Variants in CCDC171 observed in about 807,000 individuals in gnomAD.
The protein encoded by CCDC171 is coiled-coil domain containing 171.
Under a neutral mutation model 168.2 loss-of-function variants are expected in CCDC171, and 177 were observed. The observed-to-expected ratio is 1.05, with a 90% CI of 0.93 to 1.19. CCDC171 has a LOEUF of 1.19. Among genes scored for constraint, CCDC171 ranks in the 50% most tolerant of loss-of-function variants. The probability of loss-of-function intolerance (pLI) is 0.00; values close to 1 mark genes in which losing one functional copy is unlikely to be tolerated. For synonymous variants in CCDC171, 687 were observed against 540.8 expected (o/e 1.27, Z -3.75); for missense variants, 1,991 against 1,539.0 (o/e 1.29, Z -4.91).
intron 25 of CCDC171, among the ~76,000 whole-genome samples, chr9:15,932,491 C>G (rs1589162889): frequency 1.3e-5 from 2 of 151,772 alleles, no homozygotes; most frequent in East Asian, 3.9e-4. Context: ...TCATTTATTA[C>G]TTGTAAAAGT....
At chr9:15,726,572 T>C (rs1210208913) in intron 14 of CCDC171, among the ~76,000 whole-genome samples, 1 of 152,186 alleles carries the variant, frequency 6.6e-6, no homozygotes, top group African/African-American at 2.4e-5. Flanking sequence ...AAATCTGATT[T>C]CTTAAATTTG....
chr9:15,586,862 C>A (rs994615192), intron 4 of CCDC171, among the ~76,000 whole-genome samples: 1 of 152,088 alleles, frequency 6.6e-6, no homozygotes, highest in African/African-American at 2.4e-5. Flanking sequence ...GGCTGGAGGG[C>A]AGTGGTGTGG....
intron 12 of CCDC171, among the ~76,000 whole-genome samples, chr9:15,723,266 C>T (rs2053601794): frequency 6.6e-6 from 1 of 152,120 alleles, no homozygotes; most frequent in African/African-American, 2.4e-5. Context: ...CAGTGAATAT[C>T]CTCATGATGT....
At chr9:16,056,884 T>G (rs1833850746) in intron 1 of CCDC171, among the ~76,000 whole-genome samples, 1 of 152,228 alleles carries the variant, frequency 6.6e-6, no homozygotes, top group South Asian at 2.1e-4. Context: ...TAAAATGTGC[T>G]CAGTATATTA....
chr9:15,562,860 G>C (rs1234779097), intron 1 of CCDC171, among the ~76,000 whole-genome samples: 3 of 150,960 alleles, frequency 2.0e-5, no homozygotes, highest in Non-Finnish European at 4.4e-5. Context: ...CAGGAGCGTG[G>C]TGATAATGTG....
intron 18 of CCDC171, among the ~76,000 whole-genome samples, chr9:15,767,822 T>TCCCTCCCTCCCTCCCTCCCTCC (rs1261906642): frequency 1.3e-3 from 1 of 758 alleles, no homozygotes; most frequent in African/African-American, 5.2e-3. Flanking sequence ...TCTTTTCTTT[T>TCCCTCCCTCCCTCCCTCCCTCC]CTTTCCCTCC....
chr9:16,014,793 G>A (rs926262770), intron 3 of CCDC171, among the ~76,000 whole-genome samples: 1 of 152,100 alleles, frequency 6.6e-6, no homozygotes, highest in African/African-American at 2.4e-5. Context: ...ATCAACAATA[G>A]GCTTAAATAT....
At chr9:15,562,904 T>TGG (rs2039425610) in intron 1 of CCDC171, among the ~76,000 whole-genome samples, 1 of 151,548 alleles carries the variant, frequency 6.6e-6, no homozygotes, top group Admixed American at 6.6e-5. Flanking sequence ...AAGAGCTTGA[T>TGG]AGACTCCTTG....
intron 3 of CCDC171, among the ~76,000 whole-genome samples, chr9:16,009,466 A>T (rs982233060): frequency 2.6e-5 from 4 of 152,216 alleles, no homozygotes; most frequent in Non-Finnish European, 5.9e-5. Context: ...TTTTCTAATA[A>T]AAAAGGAGAG....
At chr9:15,794,655 A>T (rs190951111) in intron 21 of CCDC171, among the ~76,000 whole-genome samples, 1 of 152,302 alleles carries the variant, frequency 6.6e-6, no homozygotes, top group East Asian at 1.9e-4. Flanking sequence ...TGGTTTTTAG[A>T]TTTTTAAGGG....
chr9:15,723,535 A>G, intron 12 of CCDC171, 146 bp from the exon 13 acceptor site: 2 of 595,054 alleles, frequency 3.4e-6, no homozygotes, highest in Non-Finnish European at 5.9e-6. Context: ...TTTTTTAAAG[A>G]CTCTTAATTA....
At chr9:15,959,637 G>A (rs1830150748) in intron 25 of CCDC171, among the ~76,000 whole-genome samples, 1 of 152,088 alleles carries the variant, frequency 6.6e-6, no homozygotes, top group South Asian at 2.1e-4. Flanking sequence ...AACAAGTCTA[G>A]GCCTTTTTGA....
intron 6 of CCDC171, among the ~76,000 whole-genome samples, chr9:16,029,584 A>G (rs1178167302): frequency 6.6e-6 from 1 of 152,064 alleles, no homozygotes; most frequent in African/African-American, 2.4e-5. Context: ...ATGTTGGTAG[A>G]CTCTTAAAGC....
Position 15,666,234 on chromosome 9 carries a change from G to C in CCDC171, c.987G>C (p.Leu329Phe). ...GTCAAGCAGAAGCTGTTGCTGATTT[G>C]GAAATTATCAAGAATGAATTCAAAG... ...KASQAEAVADLEIIKNEFKEV... is the reference protein window; with the variant it reads ...KASQAEAVADFEIIKNEFKEV... Residue 329 changes from leucine to phenylalanine, a missense_variant, in exon 9 of 26, where the codon TTG (leucine) becomes TTC (phenylalanine). By Grantham distance (22) the Leu-to-Phe change is conservative. Coordinates refer to ENST00000380701, the MANE Select transcript of CCDC171 (RefSeq NM_173550.4). The C allele has an allele frequency of 6.2e-7, 1 of 1,613,730 alleles. No homozygotes were observed. Among genetic ancestry groups the C allele is most frequent in the Non-Finnish European group, 8.5e-7 (1 of 1,179,820 alleles).
At chr9:15,962,775 TTC>T (rs1446884641) in intron 25 of CCDC171, among the ~76,000 whole-genome samples, 1 of 151,984 alleles carries the variant, frequency 6.6e-6, no homozygotes, top group Non-Finnish European at 1.5e-5. Flanking sequence ...TCTAATTCAG[TTC>T]TTTTTTCCAA....
chr9:15,857,126 C>A (rs1052687789), intron 23 of CCDC171, among the ~76,000 whole-genome samples: 6 of 151,874 alleles, frequency 4.0e-5, no homozygotes, highest in Non-Finnish European at 7.4e-5. Flanking sequence ...GAAATTAAAA[C>A]CCTCATGTGG....
intron 10 of CCDC171, among the ~76,000 whole-genome samples, chr9:15,685,667 A>G (rs2050344124): frequency 6.6e-6 from 1 of 152,088 alleles, no homozygotes; most frequent in Admixed American, 6.6e-5. Context: ...ACAATCCAGC[A>G]TTTAAAAAAC....
At chr9:15,554,015 T>G (rs1279473915) in intron 1 of CCDC171, among the ~76,000 whole-genome samples, 1 of 139,302 alleles carries the variant, frequency 7.2e-6, no homozygotes, top group Non-Finnish European at 1.5e-5. Context: ...GAACATACGA[T>G]TTTGTCACTT....
chr9:15,626,515 T>C (rs1317226756), intron 7 of CCDC171, among the ~76,000 whole-genome samples: 1 of 152,236 alleles, frequency 6.6e-6, no homozygotes, highest in Non-Finnish European at 1.5e-5. Flanking sequence ...TGAGAGTTTT[T>C]AGCATAAAGG....
Sources: allele counts gnomAD v4.1 joint callset (sites outside exome capture counted in the v4.1 genomes callset), GRCh38; gene constraint gnomAD v4.1.1; transcripts MANE v1.5; gene names NCBI Gene and HGNC (gene_info 2026-07-23, HGNC 2026-07-21).